The following TMEM201 variants were observed in gnomAD, a reference collection of about 807,000 sequenced individuals.
TMEM201 encodes the protein RP13-15M17.2.
TMEM201 carries 26 observed loss-of-function variants against 63.4 expected under a neutral mutation model. The observed-to-expected ratio is 0.41, with a 90% CI of 0.30 to 0.57. The LOEUF (loss-of-function observed/expected upper bound fraction) is 0.57. Ranked by LOEUF, TMEM201 falls within the 20% of genes least tolerant of loss-of-function variation. The pLI, the probability that TMEM201 is intolerant of heterozygous loss-of-function variation, is 0.29. For synonymous variants in TMEM201, 417 were observed against 421.6 expected, an observed-to-expected ratio of 0.99 and a Z score of 0.14; for missense variants, 794 against 917.7, an observed-to-expected ratio of 0.87 and a Z score of 1.74.
In TMEM201 at chr1:9,610,448, A is replaced by T; in HGVS notation, c.1466-58A>T. The T allele has an allele frequency of 7.1e-7, 1 of 1,411,698 alleles. No individual in the cohort carries two copies. Among genetic ancestry groups the T allele is most frequent in the Non-Finnish European group, 9.4e-7 (1 of 1,062,090 alleles). The allele number at this position is 1,411,698 out of a possible 1,614,324, so 87.4% of individuals were successfully genotyped here. ...AATGCCCCCAGAAATGAAATAGCGC[A>T]TTGTAGCGTTGCAGTGACAGGAGCC... On this transcript the variant is annotated intron_variant, in intron 8 of 10. Transcript: ENST00000340381. This position sits in a 1 kb window ranked among gnomAD's most constrained non-coding sequence, Gnocchi z 4.9.
chr1:9,604,523 A>T lies in TMEM201; in HGVS notation c.1160+2251A>T. ...CTGTGTTGTGGCTTGTTGACCGGGA[A>T]TGTGTCACCCCTGCCAGGGAACTCT... On this transcript the variant is annotated intron_variant, in intron 6 of 10. Coordinates refer to ENST00000340381, the MANE Select transcript of TMEM201 (RefSeq NM_001130924.3). The surrounding 1 kb of genome is among the most constrained non-coding windows in gnomAD (Gnocchi z 4.1). 1.0e-6 allele frequency: 1 copy of T among 985,426 alleles called. No homozygotes were observed. 61.0% of individuals were successfully genotyped at this position (985,426 alleles called of 1,614,324 possible). A position where few individuals can be genotyped will look rare whatever the true frequency, so the allele number is the denominator to read the frequency against.
At position 9,596,860 on chromosome 1, in the gene TMEM201, A is replaced by C. The variant is rs961359628; in HGVS notation, c.236A>C (p.Asn79Thr). Residue 79 changes from asparagine (N) to threonine (T), a missense_variant and splice_region_variant, in exon 3 of 11, where the codon AAC becomes ACC. Physicochemically the swap from Asn to Thr is moderately conservative, Grantham distance 65 (BLOSUM62 0). Transcript: ENST00000340381. ...TCGAGTCCCACCTCTCTCCCGCAGA[A>C]CGGCGACTACAACAAGCCGATCCCC... Reference protein sequence around the residue: ...HCEQYNGFQENGDYNKPIPAQ... With the variant: ...HCEQYNGFQETGDYNKPIPAQ... 4.4e-6 allele frequency: 7 copies of C among 1,583,710 alleles called. No homozygotes were observed. The African/African-American group carries it at 9.4e-5, about 21-fold the overall frequency.
chr1:9,607,735 G>A lies in TMEM201; in HGVS notation c.1339G>A (p.Gly447Ser). 6.4e-7 allele frequency: 1 copy of A among 1,551,722 alleles called. No individual in the cohort carries two copies. The highest frequency in any genetic ancestry group is 8.7e-7 in the Non-Finnish European group (1 of 1,147,052). The change falls in exon 7 of 11, where the codon GGC (glycine) becomes AGC (serine). Residue 447 changes from glycine (G) to serine (S), a missense_variant. Physicochemically the swap from Gly to Ser is moderately conservative, Grantham distance 56. Transcript: ENST00000340381. The surrounding 1 kb of genome is among the most constrained non-coding windows in gnomAD (Gnocchi z 5.4). The part of the protein sequence containing the change: ...PRRTSPSSLP[G>S]RLSRALSLGT... The stretch of plus-strand genomic sequence containing the variant: ...ACGGACCTCACCCTCCTCATTGCCT[G>A]GCCGCCTCAGCCGGGCCCTCTCTCT...
chr1:9,610,137 TG>T lies in TMEM201; in HGVS notation c.1465+228del, dbSNP rs1026643423. Among the ~76,000 whole-genome samples the T allele has an allele frequency of 2.0e-5, 3 of 152,178 alleles. No homozygotes were observed. The highest frequency in any genetic ancestry group is 1.3e-4 in the Admixed American group (2 of 15,278). ...TACCATGCTGCTCTGCCGTCCTCAG[TG>T]GCAGTCACGGCTGGAACTGGTGCAC... On this transcript the variant is annotated intron_variant, in intron 8 of 10. Transcript: ENST00000340381. The surrounding 1 kb of genome is among the most constrained non-coding windows in gnomAD (Gnocchi z 4.9).
Position 9,596,021 on chromosome 1 carries a change from C to T in TMEM201, c.234+11C>T. The T allele has an allele frequency of 6.2e-7, 1 of 1,611,290 alleles. No individual in the cohort carries two copies. Among genetic ancestry groups the T allele is most frequent in the Non-Finnish European group, 8.5e-7 (1 of 1,179,878 alleles). On this transcript the variant is annotated intron_variant, in intron 2 of 10. Coordinates refer to ENST00000340381, the MANE Select transcript of TMEM201 (RefSeq NM_001130924.3). ...AACGGCTTCCAGGAGGTGTGGGTCA[C>T]AGGCAGGCGGACGGGTGGGCACGCG...
rs562404332 is a variant in TMEM201, at chr1:9,610,905, G to A, written c.1765+100G>A. Reference sequence around the variant, plus strand: ...GGGGGCTCATCCTTGCTCTGACTCCGGTGTGCGCCTTCCCACCCTGGAGCT... The same window carrying A: ...GGGGGCTCATCCTTGCTCTGACTCCAGTGTGCGCCTTCCCACCCTGGAGCT... On this transcript the variant is annotated intron_variant, in intron 9 of 10. Transcript: ENST00000340381. This position sits in a 1 kb window ranked among gnomAD's most constrained non-coding sequence, Gnocchi z 4.9. The A allele has an allele frequency of 3.6e-5, 53 of 1,489,410 alleles. No homozygotes were observed. Among genetic ancestry groups the A allele is most frequent in the Middle Eastern group, 2.0e-4 (1 of 5,042 alleles). The allele number at this position is 1,489,410 out of a possible 1,614,324, so 92.3% of individuals were successfully genotyped here.
rs1430476458 is a variant in TMEM201 at position 9,588,918 on chromosome 1, C to G, written c.-13C>G. The G allele has an allele frequency of 7.9e-7, 1 of 1,263,906 alleles. No individual in the cohort carries two copies. The highest frequency in any genetic ancestry group is 1.5e-5 in the South Asian group (1 of 65,454). The allele number at this position is 1,263,906 out of a possible 1,614,324, so 78.3% of individuals were successfully genotyped here. A position where few individuals can be genotyped will look rare whatever the true frequency, so the allele number is the denominator to read the frequency against. On this transcript the variant is annotated 5_prime_UTR_variant, in exon 1 of 11. Transcript: ENST00000340381. ...CCCCCCTGCCGGCCTGCCGTCCTTC[C>G]ACGCGGAGAGCCATGGAGGGAGTGA...
rs1034355677 is a variant in TMEM201, at chr1:9,607,656, C to T, written c.1260C>T (p.Pro420=). The T allele has an allele frequency of 2.2e-5, 34 of 1,551,942 alleles. No individual in the cohort carries two copies. The Middle Eastern group carries it at 6.7e-4, about 30-fold the overall frequency. Residue 420 remains proline (P), a synonymous_variant, in exon 7 of 11, where the codon CCC becomes CCT. Transcript: ENST00000340381. The surrounding 1 kb of genome is among the most constrained non-coding windows in gnomAD (Gnocchi z 5.4). ...VGGSPASLFI[P]SPPSFLPLAN... Reference sequence around the variant, plus strand: ...GCTCTCCAGCGTCTCTGTTCATCCCCAGCCCGCCCAGCTTCCTGCCCCTCG... The same window carrying T: ...GCTCTCCAGCGTCTCTGTTCATCCCTAGCCCGCCCAGCTTCCTGCCCCTCG...
chr1:9,601,925 T>G, intron 5 of TMEM201, 144 bp from the exon 6 acceptor site: 1 of 944,310 alleles, frequency 1.1e-6, no homozygotes. Context: ...AGCGTGTGAG[T>G]GTGAGGGGAT....
intron 3 of TMEM201, among the ~76,000 whole-genome samples, chr1:9,597,725 G>A (rs556642894): frequency 1.3e-5 from 2 of 152,338 alleles, no homozygotes; most frequent in East Asian, 3.9e-4. Flanking sequence ...TCCAGCCTGG[G>A]AGGGAGGGAG....
Position 9,603,107 on chromosome 1 carries a change from G to A in TMEM201, c.1160+835G>A, listed in dbSNP as rs1345677727. On this transcript the variant is annotated intron_variant, in intron 6 of 10. Coordinates refer to ENST00000340381, the MANE Select transcript of TMEM201 (RefSeq NM_001130924.3). This position sits in a 1 kb window ranked among gnomAD's most constrained non-coding sequence, Gnocchi z 4.5. ...TGCAGGCCTTCAGTGACATCAGGTC[G>A]TTGTCATCCTTTCCCTCCCTGACCT... is the stretch of plus-strand genomic sequence containing the variant. 6.1e-6 allele frequency: 6 copies of A among 985,500 alleles called. No individual in the cohort carries two copies. Among genetic ancestry groups the A allele is most frequent in the East Asian group, 1.1e-4 (1 of 8,800 alleles). 61.0% of individuals were successfully genotyped at this position (985,500 alleles called of 1,614,324 possible). A position where few individuals can be genotyped will look rare whatever the true frequency, so the allele number is the denominator to read the frequency against.
At chr1:9,602,731 TG>T in intron 6 of TMEM201, 1 of 1,024,956 alleles carries the variant, frequency 9.8e-7, no homozygotes, top group African/African-American at 1.7e-5. Context: ...GGCTACAGGC[TG>T]GGCCCCTGGC....
At chr1:9,597,095 G>C in intron 3 of TMEM201, 42 bp downstream of exon 3, 2 of 1,569,778 alleles carry the variant, frequency 1.3e-6, no homozygotes, top group Non-Finnish European at 1.7e-6. Flanking sequence ...GCTGGGGCCA[G>C]GGATGCTTAG....
intron 4 of TMEM201, among the ~76,000 whole-genome samples, 188 bp from the exon 5 acceptor site, chr1:9,600,917 G>A (rs1644126370): frequency 6.6e-6 from 1 of 152,092 alleles, no homozygotes; most frequent in Non-Finnish European, 1.5e-5. Context: ...AGGAGAGGGT[G>A]GTAGAGCAGC....
rs1470386417 is a variant in TMEM201 at position 9,614,304 on chromosome 1, T to G, written c.*1221T>G. On this transcript the variant is annotated 3_prime_UTR_variant, in exon 11 of 11. Transcript: ENST00000340381. ...TTATTTTTCTACACATTTTGCCAGG[T>G]CAGGCATTTTGCTAGTAAGCAGGAT... 1 of 152,158 alleles carries G rather than the reference T, an allele frequency of 6.6e-6. No individual in the cohort carries two copies. Among genetic ancestry groups the G allele is most frequent in the Non-Finnish European group, 1.5e-5 (1 of 68,020 alleles). The allele number at this position is 152,158 out of a possible 1,614,324, so 9.4% of individuals were successfully genotyped here. A position where few individuals can be genotyped will look rare whatever the true frequency, so the allele number is the denominator to read the frequency against.
chr1:9,606,829 G>A (rs979333376), intron 6 of TMEM201, among the ~76,000 whole-genome samples: 2 of 152,172 alleles, frequency 1.3e-5, no homozygotes, highest in African/African-American at 4.8e-5. Flanking sequence ...TCCGTCTTTC[G>A]GGCAGCCTTG....
chr1:9,591,232 TGCC>T (rs1643913652), intron 1 of TMEM201, among the ~76,000 whole-genome samples: 1 of 152,230 alleles, frequency 6.6e-6, no homozygotes, highest in African/African-American at 2.4e-5. Context: ...CTCATGAAAC[TGCC>T]AGGGCGGGCT....
In TMEM201 at chr1:9,613,056, G is replaced by A. The variant is rs777661563; in HGVS notation, c.1974G>A (p.Ser658=). 14 of 1,551,230 alleles carry A rather than the reference G, an allele frequency of 9.0e-6. No homozygotes were observed. The highest frequency in any genetic ancestry group is 4.9e-5 in the East Asian group (2 of 40,922). The change falls in exon 11 of 11, where the codon TCG becomes TCA. Residue 658 remains serine (S), a synonymous_variant. Transcript: ENST00000340381. ...VSLAANALFT[S]VFLYQSLR is the part of the protein sequence containing the mutation. ...TGGCCGCCAACGCCCTGTTCACCTC[G>A]GTGTTTCTGTACCAGAGCCTGCGCT...
rs1346452592 is a variant in TMEM201, at chr1:9,588,927, A to C, written c.-4A>C. 1.6e-6 allele frequency: 2 copies of C among 1,264,518 alleles called. No homozygotes were observed. Among genetic ancestry groups the C allele is most frequent in the Non-Finnish European group, 2.0e-6 (2 of 985,158 alleles). 78.3% of individuals were successfully genotyped at this position (1,264,518 alleles called of 1,614,324 possible). On this transcript the variant is annotated 5_prime_UTR_variant, in exon 1 of 11. Transcript: ENST00000340381. ...CGGCCTGCCGTCCTTCCACGCGGAGAGCCATGGAGGGAGTGAGCGCGCTGC... is the reference window on the plus strand; with the variant it reads ...CGGCCTGCCGTCCTTCCACGCGGAGCGCCATGGAGGGAGTGAGCGCGCTGC...
Sources: allele counts gnomAD v4.1 joint callset (sites outside exome capture counted in the v4.1 genomes callset), GRCh38; gene constraint gnomAD v4.1.1; non-coding constraint Gnocchi (gnomAD v3.1); transcripts MANE v1.5; gene names NCBI Gene and HGNC (gene_info 2026-07-23, HGNC 2026-07-21).